The following ZMIZ1 variants were observed in gnomAD, a reference collection of about 807,000 sequenced individuals.
ZMIZ1 encodes the protein zinc finger MIZ-type containing 1.
A neutral mutation model predicts 113.9 loss-of-function variants in ZMIZ1; 17 were observed. The observed-to-expected ratio is 0.15, with a 90% CI of 0.10 to 0.22. The LOEUF (loss-of-function observed/expected upper bound fraction) is 0.22. ZMIZ1 is among the 10% of genes least tolerant of loss of function. The probability of loss-of-function intolerance (pLI) is 1.00; values close to 1 mark genes in which losing one functional copy is unlikely to be tolerated. For missense variants in ZMIZ1, 1,059 were observed against 1,477.8 expected, an observed-to-expected ratio of 0.72 and a Z score of 4.65; for synonymous variants, 607 against 603.1, an observed-to-expected ratio of 1.01 and a Z score of -0.09.
At chr10:79,249,215 C>T (rs1162344415) in intron 7 of ZMIZ1, among the ~76,000 whole-genome samples, 1 of 152,194 alleles carries the variant, frequency 6.6e-6, no homozygotes, top group Non-Finnish European at 1.5e-5. Flanking sequence ...TCCCTGGATC[C>T]CCACACCCAG....
chr10:79,316,488 A>G lies in ZMIZ1; in HGVS notation c.*3739A>G, dbSNP rs1855542839. 1 of 152,746 alleles carries G rather than the reference A, an allele frequency of 6.5e-6. No individual in the cohort carries two copies. The highest frequency in any genetic ancestry group is 1.5e-5 in the Non-Finnish European group (1 of 68,034). 9.5% of individuals were successfully genotyped at this position (152,746 alleles called of 1,614,324 possible). On this transcript the variant is annotated 3_prime_UTR_variant, in exon 25 of 25. Coordinates refer to ENST00000334512, the MANE Select transcript of ZMIZ1 (RefSeq NM_020338.4). ...CTGAGGTATCTCATTTGCCCATGTT[A>G]ATTTTTTTCTAAATAAATTGACAAA...
chr10:79,228,035 C>T (rs935799857), intron 7 of ZMIZ1, among the ~76,000 whole-genome samples: 5 of 152,230 alleles, frequency 3.3e-5, no homozygotes, highest in Non-Finnish European at 7.3e-5. Flanking sequence ...TCACCATTCC[C>T]ATCCTGTCTG....
intron 2 of ZMIZ1, among the ~76,000 whole-genome samples, chr10:79,126,869 G>A (rs1435702007): frequency 6.6e-6 from 1 of 152,130 alleles, no homozygotes; most frequent in Non-Finnish European, 1.5e-5. Flanking sequence ...AGCACCTCGG[G>A]GGCAGTTGGC....
At chr10:79,272,184 G>C (rs1851989021) in intron 7 of ZMIZ1, among the ~76,000 whole-genome samples, 2 of 152,064 alleles carry the variant, frequency 1.3e-5, no homozygotes, top group African/African-American at 4.8e-5. Flanking sequence ...TACTCGGGAT[G>C]CTGAGGCACA....
chr10:79,146,258 G>T (rs1015078536), intron 3 of ZMIZ1, among the ~76,000 whole-genome samples: 10 of 152,100 alleles, frequency 6.6e-5, no homozygotes, highest in African/African-American at 2.4e-4. Flanking sequence ...TGTCTTAGTG[G>T]GCCCATCTCA....
At chr10:79,178,103 G>A (rs34478757) in intron 4 of ZMIZ1, among the ~76,000 whole-genome samples, 4 of 152,160 alleles carry the variant, frequency 2.6e-5, no homozygotes, top group Non-Finnish European at 5.9e-5. Flanking sequence ...GGACTCTGGG[G>A]AGATGCCCCC....
At chr10:79,145,627 G>A (rs1356981304) in intron 3 of ZMIZ1, among the ~76,000 whole-genome samples, 2 of 152,252 alleles carry the variant, frequency 1.3e-5, no homozygotes, top group Non-Finnish European at 2.9e-5. Flanking sequence ...GGGGATTGGT[G>A]AAGAACACAG....
chr10:79,183,254 A>G (rs1270323381), intron 4 of ZMIZ1, among the ~76,000 whole-genome samples: 3 of 152,136 alleles, frequency 2.0e-5, no homozygotes, highest in African/African-American at 7.2e-5. Context: ...GTACCTCGAT[A>G]AGGAAGATTT....
intron 2 of ZMIZ1, among the ~76,000 whole-genome samples, chr10:79,136,592 G>T (rs987994352): frequency 2.0e-5 from 3 of 152,240 alleles, no homozygotes; most frequent in African/African-American, 7.2e-5. Context: ...GTGGTGAAGG[G>T]CTGGCAATGG....
chr10:79,167,319 T>A (rs1295212333), intron 4 of ZMIZ1, among the ~76,000 whole-genome samples: 2 of 152,244 alleles, frequency 1.3e-5, no homozygotes, highest in East Asian at 3.8e-4. Flanking sequence ...TACTAAGTCT[T>A]TGAAATCCAG....
chr10:79,259,153 G>A (rs781480446), intron 7 of ZMIZ1, among the ~76,000 whole-genome samples: 4 of 152,128 alleles, frequency 2.6e-5, no homozygotes, highest in African/African-American at 7.2e-5. Context: ...TTGCCCTGTC[G>A]AGCCAAACTT....
At chr10:79,215,475 T>C (rs1476600584) in intron 6 of ZMIZ1, among the ~76,000 whole-genome samples, 1 of 152,042 alleles carries the variant, frequency 6.6e-6, no homozygotes, top group Admixed American at 6.5e-5. Flanking sequence ...ATTTTTGTAT[T>C]TTTAGGAGAG....
intron 7 of ZMIZ1, among the ~76,000 whole-genome samples, chr10:79,273,877 G>A (rs571651642): frequency 1.3e-5 from 2 of 152,390 alleles, no homozygotes; most frequent in African/African-American, 4.8e-5. Context: ...TGGGCCTCCC[G>A]CCGTGGGAGC....
At chr10:79,173,790 A>G (rs1004303820) in intron 4 of ZMIZ1, among the ~76,000 whole-genome samples, 1 of 152,176 alleles carries the variant, frequency 6.6e-6, no homozygotes, top group Non-Finnish European at 1.5e-5. Flanking sequence ...AGTAAACTGA[A>G]GAACAGAGAC....
At chr10:79,199,120 C>T (rs1847962708) in intron 4 of ZMIZ1, among the ~76,000 whole-genome samples, 1 of 151,910 alleles carries the variant, frequency 6.6e-6, no homozygotes. Flanking sequence ...TGTCTGAGGG[C>T]TCAAGCCTTA....
intron 7 of ZMIZ1, among the ~76,000 whole-genome samples, chr10:79,243,048 G>C (rs1849942765): frequency 6.6e-6 from 1 of 151,314 alleles, no homozygotes; most frequent in South Asian, 2.1e-4. Context: ...GCGAGCCGGG[G>C]CTCCCTGGAG....
chr10:79,263,233 G>A (rs368358190), intron 7 of ZMIZ1, among the ~76,000 whole-genome samples: 11 of 152,230 alleles, frequency 7.2e-5, no homozygotes, highest in African/African-American at 1.4e-4. Context: ...TCGTGGCTTC[G>A]GTCTTTGCAG....
At position 79,240,511 on chromosome 10, in the gene ZMIZ1, AG is replaced by A. The variant is rs1849777345; in HGVS notation, c.280+24238del. ...AGAGTTTGCTAACCAAGTGGGCCAGAGAGAGCCTTGAAATTAGCATCTGAAA... is the reference window on the plus strand; with the variant it reads ...AGAGTTTGCTAACCAAGTGGGCCAGAAGAGCCTTGAAATTAGCATCTGAAA... On this transcript the variant is annotated intron_variant, in intron 7 of 24. Transcript: ENST00000334512. Among the ~76,000 whole-genome samples the A allele has an allele frequency of 3.9e-5, 6 of 152,304 alleles. No individual in the cohort carries two copies. The South Asian group carries it at 1.2e-3, about 32-fold the overall frequency.
In ZMIZ1 at chr10:79,296,324, G is replaced by A. The variant is rs1853885995; in HGVS notation, c.1231-147G>A. The A allele has an allele frequency of 4.5e-6, 4 of 897,964 alleles. No homozygotes were observed. The highest frequency in any genetic ancestry group is 7.1e-6 in the Non-Finnish European group (4 of 563,386). 55.6% of individuals were successfully genotyped at this position (897,964 alleles called of 1,614,324 possible). A position where few individuals can be genotyped will look rare whatever the true frequency, so the allele number is the denominator to read the frequency against. ...TGCCCCTGGATGTCAGGACGAGAAGGGGCCCAAAGCATTATCTGGTTTTGT... is the reference window on the plus strand; with the variant it reads ...TGCCCCTGGATGTCAGGACGAGAAGAGGCCCAAAGCATTATCTGGTTTTGT... On this transcript the variant is annotated intron_variant, in intron 12 of 24. Coordinates refer to ENST00000334512, the MANE Select transcript of ZMIZ1 (RefSeq NM_020338.4). The surrounding 1 kb of genome is among the most constrained non-coding windows in gnomAD (Gnocchi z 4.1).
Sources: allele counts gnomAD v4.1 joint callset (sites outside exome capture counted in the v4.1 genomes callset), GRCh38; gene constraint gnomAD v4.1.1; non-coding constraint Gnocchi (gnomAD v3.1); transcripts MANE v1.5; gene names NCBI Gene and HGNC (gene_info 2026-07-23, HGNC 2026-07-21).